Variants in DOT1L observed in about 807,000 individuals in gnomAD.
DOT1L encodes the protein histone-lysine N-methyltransferase, H3 lysine-79 specific.
Under a neutral mutation model 153.3 loss-of-function variants are expected in DOT1L, and 33 were observed. The ratio of observed to expected loss-of-function variants is 0.22; its 90% CI spans 0.16 to 0.29. DOT1L has a LOEUF of 0.29. DOT1L is among the 10% of genes least tolerant of loss of function. The pLI is 1.00. For missense variants in DOT1L, 1,847 were observed against 2,119.9 expected (o/e 0.87, Z 2.53); for synonymous variants, 1,135 against 965.1 (o/e 1.18, Z -3.26).
rs946207072 is a variant in DOT1L at position 2,207,413 on chromosome 19, G to A, written c.857-161G>A. On this transcript the variant is annotated intron_variant, in intron 10 of 27. Transcript: ENST00000398665. This position sits in a 1 kb window ranked among gnomAD's most constrained non-coding sequence, Gnocchi z 4.5. Reference sequence around the variant, plus strand: ...GTGGTGTTGAATGGTGCACCTCCCTGGGCCGGCCTCTGTGGGCCACTGTGG... The same window carrying A: ...GTGGTGTTGAATGGTGCACCTCCCTAGGCCGGCCTCTGTGGGCCACTGTGG... 1.2e-4 allele frequency among the ~76,000 whole-genome samples: 18 copies of A among 152,318 alleles called. No homozygotes were observed. The Middle Eastern group carries it at 0.014, about 115-fold the overall frequency.
chr19:2,171,457 G>A (rs954575391), intron 1 of DOT1L, among the ~76,000 whole-genome samples: 24 of 152,166 alleles, frequency 1.6e-4, no homozygotes, highest in African/African-American at 5.1e-4. Context: ...GGGACACCTG[G>A]TGGCGTCTAG....
chr19:2,227,698 G>A (rs1202707348), intron 27 of DOT1L: 2 of 1,296,896 alleles, frequency 1.5e-6, no homozygotes, highest in Non-Finnish European at 2.0e-6. Flanking sequence ...CCTGGATGCT[G>A]CCGCTTGTTG....
chr19:2,210,329 C>T lies in DOT1L; in HGVS notation c.1006-71C>T, dbSNP rs568207870. On this transcript the variant is annotated intron_variant, in intron 12 of 27. Coordinates refer to ENST00000398665, the MANE Select transcript of DOT1L (RefSeq NM_032482.3). ...GTGGCCCCCTTGAGTCTGAGCTCCG[C>T]GTGCCTCTCGGTGCAGGAGGGCCGT... 5.1e-4 allele frequency: 679 copies of T among 1,334,428 alleles called. 1 individual carries two copies. Among genetic ancestry groups the T allele is most frequent in the Non-Finnish European group, 4.5e-4 (448 of 1,005,802 alleles). The allele number at this position is 1,334,428 out of a possible 1,614,324, so 82.7% of individuals were successfully genotyped here. A position where few individuals can be genotyped will look rare whatever the true frequency, so the allele number is the denominator to read the frequency against.
chr19:2,230,219 G>A lies in DOT1L; in HGVS notation c.*427G>A, dbSNP rs2024538818. The A allele has an allele frequency of 2.4e-6, 1 of 415,190 alleles. No homozygotes were observed. The highest frequency in any genetic ancestry group is 4.2e-6 in the Non-Finnish European group (1 of 236,298). The allele number at this position is 415,190 out of a possible 1,614,324, so 25.7% of individuals were successfully genotyped here. ...ACCCGCTTGGTGCTGACTAGACGCTGACAACGCCGAACCCCGTTCTCGGAA... is the reference window on the plus strand; with the variant it reads ...ACCCGCTTGGTGCTGACTAGACGCTAACAACGCCGAACCCCGTTCTCGGAA... On this transcript the variant is annotated 3_prime_UTR_variant, in exon 28 of 28. Transcript: ENST00000398665.
intron 10 of DOT1L, 104 bp downstream of exon 10, chr19:2,206,901 G>A: frequency 5.0e-6 from 6 of 1,205,952 alleles, no homozygotes; most frequent in Non-Finnish European, 6.1e-6. Context: ...CACTGGGGCT[G>A]GATCCTTCTG....
At chr19:2,164,911 C>T (rs1388751499) in intron 1 of DOT1L, among the ~76,000 whole-genome samples, 1 of 152,198 alleles carries the variant, frequency 6.6e-6, no homozygotes, top group African/African-American at 2.4e-5. Flanking sequence ...TTTATTTATC[C>T]TTGGAAATTG....
At position 2,222,013 on chromosome 19, in the gene DOT1L, C is replaced by T. The variant is rs563241381; in HGVS notation, c.2844C>T (p.Ala948=). 7.9e-5 allele frequency: 127 copies of T among 1,611,670 alleles called. 1 individual carries two copies. The East Asian group carries it at 2.5e-3, about 31-fold the overall frequency. The change falls in exon 24 of 28, where the codon GCC becomes GCT. Residue 948 remains alanine, a synonymous_variant. Transcript: ENST00000398665. This position sits in a 1 kb window ranked among gnomAD's most constrained non-coding sequence, Gnocchi z 6.5. ...SYAGSVAISG[A]LAGSPASLTP... The stretch of plus-strand genomic sequence containing the variant: ...CTGGCTCGGTGGCCATCAGCGGGGC[C>T]TTGGCGGGCAGCCCGGCCTCTCTCA...
intron 5 of DOT1L, among the ~76,000 whole-genome samples, chr19:2,192,206 T>C (rs999729674): frequency 1.3e-5 from 2 of 152,224 alleles, no homozygotes; most frequent in East Asian, 3.9e-4. Flanking sequence ...AAGAGGACTT[T>C]GCACAGACTG....
chr19:2,189,444 C>T (rs1043123961), intron 3 of DOT1L, among the ~76,000 whole-genome samples: 1 of 152,234 alleles, frequency 6.6e-6, no homozygotes, highest in Admixed American at 6.5e-5. Context: ...CTCCAGCACA[C>T]GTGGACCTCG....
intron 1 of DOT1L, among the ~76,000 whole-genome samples, chr19:2,177,743 T>A (rs2022017971): frequency 6.6e-6 from 1 of 151,890 alleles, no homozygotes. Flanking sequence ...CAGCCCCGGC[T>A]CTTGCCTCCT....
At chr19:2,205,652 C>T (rs916886147) in intron 9 of DOT1L, among the ~76,000 whole-genome samples, 18 of 151,964 alleles carry the variant, frequency 1.2e-4, no homozygotes, top group South Asian at 4.1e-4. Context: ...TGCTTGTGTA[C>T]GGCTTGGGGG....
In DOT1L at chr19:2,229,775, C is replaced by T. The variant is rs1188054252; in HGVS notation, c.4607-10C>T. On this transcript the variant is annotated splice_polypyrimidine_tract_variant and intron_variant, in intron 27 of 27. Transcript: ENST00000398665. ...CCTCAGGCCGCTCTTCCCGCTGTGC[C>T]CTTCTGCAGGTAACTAGGATTTCTA... The T allele has an allele frequency of 9.3e-6, 15 of 1,613,200 alleles. No individual in the cohort carries two copies. Among genetic ancestry groups the T allele is most frequent in the East Asian group, 2.2e-5 (1 of 44,882 alleles).
Position 2,224,631 on chromosome 19 carries a change from C to T in DOT1L, c.3597-757C>T, listed in dbSNP as rs570633583. ...ACAGGCACACGCTACCACCGTGCCT[C>T]GTTCGTTTTTTTGTTTTATAGAGAT... is the stretch of plus-strand genomic sequence containing the variant. On this transcript the variant is annotated intron_variant, in intron 25 of 27. Coordinates refer to ENST00000398665, the MANE Select transcript of DOT1L (RefSeq NM_032482.3). 1.5e-4 allele frequency among the ~76,000 whole-genome samples: 23 copies of T among 152,042 alleles called. No individual in the cohort carries two copies. The South Asian group carries it at 2.9e-3, about 19-fold the overall frequency.
intron 2 of DOT1L, among the ~76,000 whole-genome samples, chr19:2,182,509 A>G (rs1362429196): frequency 6.6e-6 from 1 of 152,188 alleles, no homozygotes; most frequent in Non-Finnish European, 1.5e-5. Flanking sequence ...CAGGCAACAG[A>G]GTGAGACCCT....
intron 25 of DOT1L, among the ~76,000 whole-genome samples, chr19:2,224,913 C>G (rs2024267883): frequency 6.6e-6 from 1 of 152,186 alleles, no homozygotes; most frequent in Non-Finnish European, 1.5e-5. Context: ...TTGTGTGTCC[C>G]TGGTGTGTTC....
At position 2,187,132 on chromosome 19, in the gene DOT1L, C is replaced by T. The variant is rs74691104; in HGVS notation, c.200+1203C>T. 1.2e-4 allele frequency among the ~76,000 whole-genome samples: 19 copies of T among 152,318 alleles called. No homozygotes were observed. In the East Asian group the frequency reaches 3.7e-3, roughly 29 times the overall value. On this transcript the variant is annotated intron_variant, in intron 3 of 27. Coordinates refer to ENST00000398665, the MANE Select transcript of DOT1L (RefSeq NM_032482.3). ...CTTGGGCTTTACCTCACCCAGGAGC[C>T]CCCCACAAGTCGCTTCCTTACAACA...
intron 16 of DOT1L, 107 bp downstream of exon 16, chr19:2,211,949 T>G: frequency 9.6e-7 from 1 of 1,036,454 alleles, no homozygotes; most frequent in South Asian, 1.6e-5. Flanking sequence ...CAGGCCTGAG[T>G]GGGCTCCCTC....
At chr19:2,189,683 G>A in intron 3 of DOT1L, 49 bp from the exon 4 acceptor site, 1 of 1,600,624 alleles carries the variant, frequency 6.2e-7, no homozygotes. Context: ...TCCCATGCAT[G>A]CGGCTGGCTC....
intron 8 of DOT1L, 36 bp downstream of exon 8, chr19:2,199,975 T>C: frequency 6.2e-7 from 1 of 1,608,092 alleles, no homozygotes; most frequent in Non-Finnish European, 8.5e-7. Flanking sequence ...GCATGTGGGG[T>C]GTGCGCTCAC....
Sources: gnomAD v4.1 joint callset for allele counts (sites outside exome capture counted in the v4.1 genomes callset) on GRCh38, gnomAD v4.1.1 for gene constraint, Gnocchi (gnomAD v3.1) non-coding constraint, MANE v1.5 for transcripts, NCBI Gene and HGNC (gene_info 2026-07-23, HGNC 2026-07-21) for gene names.